The following SLC10A6 variants were observed in gnomAD, a reference collection of about 807,000 sequenced individuals.
SLC10A6 encodes the protein solute carrier family 10 member 6.
In SLC10A6, 27 loss-of-function variants were observed where a neutral mutation model predicts 30.0. The ratio of observed to expected loss-of-function variants is 0.90; its 90% CI spans 0.66 to 1.24. SLC10A6 has a LOEUF of 1.24. Among genes scored for constraint, SLC10A6 ranks in the 50% most tolerant of loss-of-function variants. The probability of loss-of-function intolerance (pLI) is 0.00; values close to 1 mark genes in which losing one functional copy is unlikely to be tolerated. For synonymous variants in SLC10A6, 166 were observed against 173.8 expected, an observed-to-expected ratio of 0.95 and a Z score of 0.36; for missense variants, 439 against 457.0, an observed-to-expected ratio of 0.96 and a Z score of 0.36.
intron 1 of SLC10A6, 70 bp from the exon 2 acceptor site, chr4:86,833,494 C>A: frequency 1.7e-6 from 2 of 1,150,320 alleles, no homozygotes; most frequent in African/African-American, 1.5e-5. Context: ...TTACCAAAAG[C>A]AACTCCTAGG....
At chr4:86,828,202 T>C (rs1746028811) in intron 3 of SLC10A6, 34 bp from the exon 4 acceptor site, 1 of 1,593,432 alleles carries the variant, frequency 6.3e-7, no homozygotes, top group Non-Finnish European at 8.5e-7. Context: ...GAATATAAAC[T>C]CAGGGTTTTT....
intron 2 of SLC10A6, 90 bp downstream of exon 2, chr4:86,833,216 C>T (rs1001658267): frequency 1.9e-6 from 2 of 1,029,954 alleles, no homozygotes; most frequent in Non-Finnish European, 2.9e-6. Flanking sequence ...CCAAAAAAAT[C>T]CCTGCATAAA....
intron 4 of SLC10A6, 47 bp downstream of exon 4, chr4:86,827,946 G>A (rs778772377): frequency 1.3e-6 from 2 of 1,573,872 alleles, no homozygotes; most frequent in South Asian, 2.4e-5. Flanking sequence ...GTGGCAGTGT[G>A]TTAAATTTAC....
At position 86,823,816 on chromosome 4, in the gene SLC10A6, T is replaced by C. The variant is rs200983064; in HGVS notation, c.1006A>G (p.Thr336Ala). 5.0e-5 allele frequency: 81 copies of C among 1,614,218 alleles called. No individual in the cohort carries two copies. The highest frequency in any genetic ancestry group is 5.5e-5 in the Non-Finnish European group (65 of 1,180,020). Reference sequence around the variant, plus strand: ...AAGGCATTGGTCTCTCTGGAAGAAGTCGATTTCCTCGTATGGCAGACTTCT... The same window carrying C: ...AAGGCATTGGTCTCTCTGGAAGAAGCCGATTTCCTCGTATGGCAGACTTCT... Reference protein sequence around the residue: ...CTEVCHTRKSTSSRETNAFLE... With the variant: ...CTEVCHTRKSASSRETNAFLE... Residue 336 changes from threonine to alanine, a missense_variant, in exon 6 of 6, where the codon ACT (threonine) becomes GCT (alanine). Physicochemically the swap from Thr to Ala is moderately conservative, Grantham distance 58. Transcript: ENST00000273905.
rs199832707 is a variant in SLC10A6 at position 86,831,845 on chromosome 4, A to C, written c.532T>G (p.Phe178Val). The C allele has an allele frequency of 6.2e-7, 1 of 1,613,542 alleles. No homozygotes were observed. Among genetic ancestry groups the C allele is most frequent in the Non-Finnish European group, 8.5e-7 (1 of 1,179,648 alleles). Reference sequence around the variant, plus strand: ...CATCTGTAATTCACATAGACACCAAAGGCCACAGGAATGGTCAGGCACACA... The same window carrying C: ...CATCTGTAATTCACATAGACACCAACGGCCACAGGAATGGTCAGGCACACA... ...TLVCLTIPVA[F>V]GVYVNYRWPK... Residue 178 changes from phenylalanine to valine, a missense_variant, in exon 3 of 6, where the codon TTT becomes GTT. Phe to Val is a conservative substitution (Grantham distance 50). Coordinates refer to ENST00000273905, the MANE Select transcript of SLC10A6 (RefSeq NM_197965.3).
chr4:86,846,216 A>G (rs1746387803), intron 1 of SLC10A6, among the ~76,000 whole-genome samples: 1 of 152,208 alleles, frequency 6.6e-6, no homozygotes, highest in Admixed American at 6.5e-5. Flanking sequence ...TTGAGTTTCT[A>G]CTGAAAATTG....
Position 86,825,609 on chromosome 4 carries a change from C to T in SLC10A6, c.762-32G>A, listed in dbSNP as rs567545350. ...AAAAGAAAATGTTTCAAGAGTAACG[C>T]ACTAGCAATAAGAACTATTCTAATA... is the stretch of plus-strand genomic sequence containing the variant. On this transcript the variant is annotated intron_variant, in intron 4 of 5. Coordinates refer to ENST00000273905, the MANE Select transcript of SLC10A6 (RefSeq NM_197965.3). 7.1e-6 allele frequency: 11 copies of T among 1,555,784 alleles called. No homozygotes were observed. The Admixed American group carries it at 1.7e-4, about 24-fold the overall frequency.
At chr4:86,835,310 T>C (rs1308865266) in intron 1 of SLC10A6, among the ~76,000 whole-genome samples, 1 of 152,000 alleles carries the variant, frequency 6.6e-6, no homozygotes, top group African/African-American at 2.4e-5. Flanking sequence ...GGAACTGATG[T>C]GAGATGCTAG....
In SLC10A6 at chr4:86,825,452, AAG is replaced by A. The variant is rs768649921; in HGVS notation, c.885_886del (p.Phe296ProfsTer53). 23 of 1,606,890 alleles carry A rather than the reference AAG, an allele frequency of 1.4e-5. No homozygotes were observed. Among genetic ancestry groups the A allele is most frequent in the Non-Finnish European group, 1.8e-5 (21 of 1,174,402 alleles). ...AATAAGAAATCCATCTATCAGCTGG[AAG>A]AGTCCATAGGCCAGTGGGAAACTCA... On this transcript the variant is annotated frameshift_variant, in exon 5 of 6. Transcript: ENST00000273905. LOFTEE classifies it low-confidence loss of function (END_TRUNC).
Position 86,848,139 on chromosome 4 carries a change from G to A in SLC10A6, c.377+600C>T, listed in dbSNP as rs1746423550. Among the ~76,000 whole-genome samples the A allele has an allele frequency of 2.6e-5, 4 of 152,188 alleles. No homozygotes were observed. The South Asian group carries it at 8.3e-4, about 32-fold the overall frequency. On this transcript the variant is annotated intron_variant, in intron 1 of 5. Transcript: ENST00000273905. The stretch of plus-strand genomic sequence containing the variant: ...AGTGATGATGTTAACGATCTGCAAA[G>A]CAACAAGAAAGAACAATTTTAGTCC...
chr4:86,842,873 TC>T (rs1325751080), intron 1 of SLC10A6, among the ~76,000 whole-genome samples: 2 of 73,410 alleles, frequency 2.7e-5, no homozygotes, highest in Non-Finnish European at 5.1e-5. Flanking sequence ...TTTCTTTCTT[TC>T]TTTTTTTTTT....
At chr4:86,844,699 C>T (rs1746363561) in intron 1 of SLC10A6, among the ~76,000 whole-genome samples, 1 of 152,158 alleles carries the variant, frequency 6.6e-6, no homozygotes, top group South Asian at 2.1e-4. Flanking sequence ...GTTGAAGCCA[C>T]CTGCATTAGT....
At chr4:86,831,742 C>T (rs1483370289) in intron 3 of SLC10A6, 50 bp downstream of exon 3, 1 of 1,483,040 alleles carries the variant, frequency 6.7e-7, no homozygotes. Context: ...TTCTGTCTTT[C>T]AGGCCCCTGA....
At chr4:86,827,196 G>A (rs1746012147) in intron 4 of SLC10A6, among the ~76,000 whole-genome samples, 1 of 152,156 alleles carries the variant, frequency 6.6e-6, no homozygotes, top group African/African-American at 2.4e-5. Context: ...TTTCTGTCCA[G>A]AGCCAATTGC....
At chr4:86,827,139 G>A (rs548105752) in intron 4 of SLC10A6, among the ~76,000 whole-genome samples, 1 of 152,252 alleles carries the variant, frequency 6.6e-6, no homozygotes, top group Non-Finnish European at 1.5e-5. Context: ...CAGGCTATCA[G>A]GTATGAAAAA....
At chr4:86,831,233 T>G (rs1487204112) in intron 3 of SLC10A6, among the ~76,000 whole-genome samples, 2 of 152,184 alleles carry the variant, frequency 1.3e-5, no homozygotes, top group South Asian at 4.1e-4. Context: ...AGGTAGAAAG[T>G]TCTAGTCACC....
At chr4:86,825,671 C>A in intron 4 of SLC10A6, 94 bp from the exon 5 acceptor site, 2 of 1,269,622 alleles carry the variant, frequency 1.6e-6, no homozygotes. Flanking sequence ...GAAGCTATGA[C>A]CTCAGGCCAC....
rs765363036 is a variant in SLC10A6 at position 86,828,035 on chromosome 4, G to C, written c.719C>G (p.Thr240Arg). ...GGTAAAAAGTGCCAGCAGAAAACCC[G>C]TGACATGGCCAATCAAAGGAAAGAT... Reference protein sequence around the residue: ...SFIFPLIGHVTGFLLALFTHQ... With the variant: ...SFIFPLIGHVRGFLLALFTHQ... The change falls in exon 4 of 6, where the codon ACG becomes AGG. Residue 240 changes from threonine to arginine, a missense_variant. Transcript: ENST00000273905. The C allele has an allele frequency of 2.3e-5, 37 of 1,613,636 alleles. No individual in the cohort carries two copies. The highest frequency in any genetic ancestry group is 3.0e-5 in the Non-Finnish European group (35 of 1,179,874).
At chr4:86,837,271 GAA>G (rs1560460305) in intron 1 of SLC10A6, among the ~76,000 whole-genome samples, 3 of 116,708 alleles carry the variant, frequency 2.6e-5, no homozygotes, top group African/African-American at 7.6e-5. Flanking sequence ...AAGAAAGAAA[GAA>G]AGAAAGAAAG....
Sources: allele counts gnomAD v4.1 joint callset (sites outside exome capture counted in the v4.1 genomes callset), GRCh38; gene constraint gnomAD v4.1.1; transcripts MANE v1.5; gene names NCBI Gene and HGNC (gene_info 2026-07-23, HGNC 2026-07-21).